Variants in OSBPL1A observed in about 807,000 individuals in gnomAD.
The protein encoded by OSBPL1A is oxysterol binding protein like 1A.
OSBPL1A carries 80 observed loss-of-function variants against 137.1 expected under a neutral mutation model. The observed-to-expected ratio is 0.58, with a 90% CI of 0.49 to 0.70. The LOEUF is 0.70. Ranked by LOEUF, OSBPL1A falls within the 30% of genes least tolerant of loss-of-function variation. The pLI is 0.00. For missense variants in OSBPL1A, 970 were observed against 1,129.4 expected (o/e 0.86, Z 2.02); for synonymous variants, 365 against 389.7 (o/e 0.94, Z 0.75).
chr18:24,360,698 G>C (rs929851818), intron 4 of OSBPL1A, among the ~76,000 whole-genome samples: 1 of 152,160 alleles, frequency 6.6e-6, no homozygotes, highest in African/African-American at 2.4e-5. Flanking sequence ...GAGTTCACAT[G>C]TCCTTGTGTC....
intron 14 of OSBPL1A, among the ~76,000 whole-genome samples, chr18:24,288,345 A>T (rs1440942982): frequency 2.6e-5 from 4 of 152,254 alleles, no homozygotes; most frequent in Non-Finnish European, 5.9e-5. Flanking sequence ...AAAGTCAGTC[A>T]ACTTAGAGTT....
At chr18:24,230,539 T>C (rs1346256269) in intron 16 of OSBPL1A, among the ~76,000 whole-genome samples, 1 of 152,182 alleles carries the variant, frequency 6.6e-6, no homozygotes, top group Non-Finnish European at 1.5e-5. Flanking sequence ...TCTGGTCTGG[T>C]TAACTCTTAC....
chr18:24,180,755 T>C lies in OSBPL1A; in HGVS notation c.1812+390A>G, dbSNP rs2086585497. ...AGCCAGGCATAGTGGCGGGTGCCTG[T>C]AGTCCCAGCTACTTGGGAGGCTGAG... On this transcript the variant is annotated intron_variant, in intron 19 of 27. Transcript: ENST00000319481. 2.0e-5 allele frequency among the ~76,000 whole-genome samples: 3 copies of C among 151,906 alleles called. 1 individual carries two copies. The highest frequency in any genetic ancestry group is 4.2e-4 in the South Asian group (2 of 4,800).
chr18:24,287,875 C>G (rs192762581), intron 14 of OSBPL1A, among the ~76,000 whole-genome samples: 20 of 152,312 alleles, frequency 1.3e-4, no homozygotes, highest in Non-Finnish European at 2.4e-4. Flanking sequence ...GCCACACTGT[C>G]TCACCTATTG....
At chr18:24,257,834 T>C (rs2089328336) in intron 15 of OSBPL1A, among the ~76,000 whole-genome samples, 1 of 152,276 alleles carries the variant, frequency 6.6e-6, no homozygotes, top group African/African-American at 2.4e-5. Flanking sequence ...TGAACAGATA[T>C]TTCTCAAAAG....
chr18:24,234,536 CA>C (rs1314506729), intron 16 of OSBPL1A, among the ~76,000 whole-genome samples: 11 of 152,252 alleles, frequency 7.2e-5, no homozygotes, highest in Admixed American at 7.2e-4. Context: ...GGGGGGACGC[CA>C]GGGGGCTGGA....
chr18:24,176,939 G>A (rs938267315), intron 21 of OSBPL1A, among the ~76,000 whole-genome samples: 1 of 152,176 alleles, frequency 6.6e-6, no homozygotes, highest in African/African-American at 2.4e-5. Flanking sequence ...TAGACACCAG[G>A]GGGCGCTTTC....
chr18:24,251,280 T>G (rs942659368), intron 15 of OSBPL1A, among the ~76,000 whole-genome samples: 9 of 152,048 alleles, frequency 5.9e-5, no homozygotes, highest in African/African-American at 1.9e-4. Context: ...GGTAGACAGG[T>G]AGTGGTTACA....
intron 4 of OSBPL1A, among the ~76,000 whole-genome samples, chr18:24,359,236 C>G (rs565389844): frequency 2.6e-5 from 4 of 151,352 alleles, no homozygotes; most frequent in African/African-American, 7.3e-5. Context: ...GAGACAGAGA[C>G]AGAGAGAGAA....
chr18:24,166,766 G>A, intron 25 of OSBPL1A, 64 bp from the exon 26 acceptor site: 1 of 1,512,188 alleles, frequency 6.6e-7, no homozygotes, highest in Admixed American at 1.9e-5. Context: ...GAAACATCCT[G>A]AAAGTAGAAG....
Position 24,222,455 on chromosome 18 carries a change from G to A in OSBPL1A, c.1601+2587C>T, listed in dbSNP as rs1033417511. Among the ~76,000 whole-genome samples the A allele has an allele frequency of 4.6e-5, 7 of 152,216 alleles. No individual in the cohort carries two copies. The South Asian group carries it at 1.5e-3, about 32-fold the overall frequency. On this transcript the variant is annotated intron_variant, in intron 17 of 27. Transcript: ENST00000319481. ...ATTGCTAACAAGTTAGAAGATTAGA[G>A]CTCAAAATAAACATAATAAATTAGG...
intron 12 of OSBPL1A, 30 bp downstream of exon 12, chr18:24,314,219 T>A (rs748910502): frequency 4.8e-6 from 7 of 1,448,774 alleles, no homozygotes; most frequent in Non-Finnish European, 6.6e-6. Flanking sequence ...CTGTAAGTTT[T>A]AGGAAAGATA....
intron 13 of OSBPL1A, among the ~76,000 whole-genome samples, chr18:24,305,632 T>C (rs908593659): frequency 6.6e-6 from 1 of 152,256 alleles, no homozygotes; most frequent in Non-Finnish European, 1.5e-5. Context: ...TTCTCATTTT[T>C]GACTTCTATG....
chr18:24,170,346 T>A lies in OSBPL1A; in HGVS notation c.2399A>T (p.Glu800Val). The A allele has an allele frequency of 6.2e-7, 1 of 1,614,162 alleles. No homozygotes were observed. The highest frequency in any genetic ancestry group is 8.5e-7 in the Non-Finnish European group (1 of 1,180,014). ...GTTCACCTGTTTGCTGTTCTTCTTC[T>A]CTTCTGTATTTTTCTTATCATTTTT... The part of the protein sequence containing the change: ...YKKNDKKNTE[E>V]KKNSKQMSTS... The change falls in exon 24 of 28, where the codon GAG (glutamate) becomes GTG (valine). Residue 800 changes from glutamate to valine, a missense_variant. By Grantham distance (121) the Glu-to-Val change is moderately radical. Transcript: ENST00000319481.
At chr18:24,309,490 A>G (rs747455434) in intron 13 of OSBPL1A, among the ~76,000 whole-genome samples, 5 of 152,220 alleles carry the variant, frequency 3.3e-5, no homozygotes, top group Non-Finnish European at 7.3e-5. Context: ...CATGTTAAGG[A>G]AATAAAATCA....
intron 2 of OSBPL1A, among the ~76,000 whole-genome samples, chr18:24,372,628 C>T (rs1905747169): frequency 6.6e-6 from 1 of 152,200 alleles, no homozygotes; most frequent in South Asian, 2.1e-4. Context: ...CCTAAATATT[C>T]ATTACATCTA....
chr18:24,319,841 T>C lies in OSBPL1A; in HGVS notation c.626-1032A>G, dbSNP rs74615417. Among the ~76,000 whole-genome samples, 603 of 152,244 alleles carry C rather than the reference T, an allele frequency of 4.0e-3. 3 individuals carry two copies. Among genetic ancestry groups the C allele is most frequent in the Non-Finnish European group, 6.6e-3 (446 of 68,010 alleles). ...GAACTGTTTATGCAGGAAGGTGATA[T>C]ATTCTATCAGATAACCTTTTAGGCC... On this transcript the variant is annotated intron_variant, in intron 7 of 27. Transcript: ENST00000319481.
At chr18:24,335,078 TG>T (rs2091151618) in intron 5 of OSBPL1A, among the ~76,000 whole-genome samples, 6 of 152,172 alleles carry the variant, frequency 3.9e-5, no homozygotes, top group African/African-American at 1.4e-4. Flanking sequence ...TTTGTAGAGA[TG>T]GGGGTCTTAC....
Position 24,164,923 on chromosome 18 carries a change from T to A in OSBPL1A, c.2750+142A>T, listed in dbSNP as rs1410227679. ...TGGATAAAAGTCAGTGGAAATAACT[T>A]TTTTTCAGGCCTGGGACAACTCGGC... On this transcript the variant is annotated intron_variant, in intron 27 of 27. Coordinates refer to ENST00000319481, the MANE Select transcript of OSBPL1A (RefSeq NM_080597.4). 1.3e-5 allele frequency: 10 copies of A among 784,874 alleles called. No homozygotes were observed. In the African/African-American group the frequency reaches 1.4e-4, roughly 11 times the overall value. The allele number at this position is 784,874 out of a possible 1,614,324, so 48.6% of individuals were successfully genotyped here.
Sources: allele counts gnomAD v4.1 joint callset (sites outside exome capture counted in the v4.1 genomes callset), GRCh38; gene constraint gnomAD v4.1.1; transcripts MANE v1.5; gene names NCBI Gene and HGNC (gene_info 2026-07-23, HGNC 2026-07-21).